Variants in MPRIP observed in about 807,000 individuals in gnomAD.
MPRIP encodes myosin phosphatase Rho interacting protein, also known as myosin phosphatase Rho-interacting protein.
Under a neutral mutation model 234.9 loss-of-function variants are expected in MPRIP, and 59 were observed. The observed-to-expected ratio is 0.25, with a 90% CI of 0.20 to 0.31. MPRIP has a LOEUF of 0.31. Among genes scored for constraint, MPRIP ranks in the 10% least tolerant of loss-of-function variants. The pLI is 1.00. For synonymous variants in MPRIP, 1,144 were observed against 1,263.9 expected (o/e 0.91, Z 2.01); for missense variants, 2,436 against 3,071.0 (o/e 0.79, Z 4.89).
At chr17:17,075,910 C>G (rs2089317541) in intron 2 of MPRIP, 123 bp downstream of exon 2, 2 of 892,998 alleles carry the variant, frequency 2.2e-6, no homozygotes, top group Non-Finnish European at 3.6e-6. Flanking sequence ...GCAGGACCAG[C>G]AGGGCTCCCC....
chr17:17,051,585 G>A (rs62064360), intron 1 of MPRIP, among the ~76,000 whole-genome samples: 3 of 152,236 alleles, frequency 2.0e-5, no homozygotes, highest in African/African-American at 7.2e-5. Context: ...GCCATTTGGG[G>A]CAGGTTCGAA....
rs766022570 is a variant in MPRIP at position 17,184,803 on chromosome 17, C to T, written c.7207-20C>T. ...TCTAACGGTGTGTTTATTTTCTCCT[C>T]CTGCTCTGTCTCTACCCAGAGTCTG... On this transcript the variant is annotated intron_variant, in intron 23 of 23. Transcript: ENST00000651222. 1 of 1,603,070 alleles carries T rather than the reference C, an allele frequency of 6.2e-7. No individual in the cohort carries two copies. Among genetic ancestry groups the T allele is most frequent in the South Asian group, 1.1e-5 (1 of 90,758 alleles).
intron 1 of MPRIP, 60 bp downstream of exon 1, chr17:17,043,031 G>C: frequency 3.9e-6 from 6 of 1,535,940 alleles, no homozygotes; most frequent in Admixed American, 1.8e-5. Flanking sequence ...CGGCGGCCGG[G>C]GCGCCGCCAA....
At chr17:17,171,538 C>A in intron 16 of MPRIP, 180 bp from the exon 17 acceptor site, 1 of 684,866 alleles carries the variant, frequency 1.5e-6, no homozygotes, top group Non-Finnish European at 2.5e-6. Flanking sequence ...GATGGCATTG[C>A]TGAGAATCCC....
intron 9 of MPRIP, 57 bp from the exon 10 acceptor site, chr17:17,145,979 A>G: frequency 6.6e-7 from 1 of 1,519,616 alleles, no homozygotes; most frequent in Non-Finnish European, 9.1e-7. Context: ...GCCCCATCAG[A>G]CACTCATGAC....
At chr17:17,074,612 A>G (rs2089284289) in intron 1 of MPRIP, among the ~76,000 whole-genome samples, 1 of 152,224 alleles carries the variant, frequency 6.6e-6, no homozygotes, top group South Asian at 2.1e-4. Context: ...CCACGAAAGA[A>G]ACCCCATACC....
At position 17,185,648 on chromosome 17, in the gene MPRIP, T is replaced by C; in HGVS notation, c.*754T>C. 2.3e-6 allele frequency: 1 copy of C among 426,510 alleles called. No individual in the cohort carries two copies. The highest frequency in any genetic ancestry group is 4.7e-6 in the Non-Finnish European group (1 of 211,188). The allele number at this position is 426,510 out of a possible 1,614,324, so 26.4% of individuals were successfully genotyped here. A position where few individuals can be genotyped will look rare whatever the true frequency, so the allele number is the denominator to read the frequency against. On this transcript the variant is annotated 3_prime_UTR_variant, in exon 24 of 24. Transcript: ENST00000651222. ...GTAACCCTGGTCTTTTCATAACTGC[T>C]CGAGATTGTTGACCTGCAGCCCAGG...
chr17:17,153,430 G>A (rs1367335336), intron 12 of MPRIP, among the ~76,000 whole-genome samples: 1 of 152,012 alleles, frequency 6.6e-6, no homozygotes, highest in African/African-American at 2.4e-5. Context: ...CAGGCCTCCA[G>A]CTCCATGCAG....
rs924791869 is a variant in MPRIP at position 17,073,825 on chromosome 17, C to T, written c.124-1885C>T. Among the ~76,000 whole-genome samples the T allele has an allele frequency of 2.6e-5, 4 of 152,282 alleles. No individual in the cohort carries two copies. The East Asian group carries it at 5.8e-4, about 22-fold the overall frequency. ...CTCCTCGCCTTTGCTTCTGCCTTCC[C>T]AGGTGGGATTTCCACCACATACTCC... On this transcript the variant is annotated intron_variant, in intron 1 of 23. Transcript: ENST00000651222.
At chr17:17,156,955 G>T (rs577308564) in intron 13 of MPRIP, among the ~76,000 whole-genome samples, 1 of 152,154 alleles carries the variant, frequency 6.6e-6, no homozygotes, top group Non-Finnish European at 1.5e-5. Flanking sequence ...TCTCTCTAAA[G>T]ACTCCTTTCC....
chr17:17,180,201 C>A, intron 23 of MPRIP, 113 bp downstream of exon 23: 1 of 938,698 alleles, frequency 1.1e-6, no homozygotes, highest in Non-Finnish European at 1.6e-6. Context: ...GCCCCAGGGC[C>A]CAGCACTGAG....
chr17:17,118,846 T>C (rs1203460743), intron 3 of MPRIP, among the ~76,000 whole-genome samples: 1 of 152,100 alleles, frequency 6.6e-6, no homozygotes, highest in Non-Finnish European at 1.5e-5. Context: ...AGAGTGCTGC[T>C]CCCTGGGGAG....
Position 17,177,010 on chromosome 17 carries a change from C to T in MPRIP, c.6958-240C>T, listed in dbSNP as rs542935262. On this transcript the variant is annotated intron_variant, in intron 21 of 23. Transcript: ENST00000651222. ...GGTCGGGCAATCCCGGAACTGCCTC[C>T]TGCACTCACCGGGCCTGGAGATTAT... 2.6e-5 allele frequency among the ~76,000 whole-genome samples: 4 copies of T among 152,360 alleles called. No individual in the cohort carries two copies. The South Asian group carries it at 8.3e-4, about 32-fold the overall frequency.
chr17:17,122,209 A>G (rs2090402596), intron 3 of MPRIP, among the ~76,000 whole-genome samples: 1 of 152,194 alleles, frequency 6.6e-6, no homozygotes, highest in Admixed American at 6.5e-5. Flanking sequence ...TTCTATCTTT[A>G]GGTCTTTGAG....
intron 3 of MPRIP, among the ~76,000 whole-genome samples, chr17:17,126,211 CT>C (rs1457326937): frequency 2.0e-5 from 3 of 152,200 alleles, no homozygotes; most frequent in Non-Finnish European, 4.4e-5. Context: ...GTGGGCCAGG[CT>C]GCCGGGCGTG....
chr17:17,147,668 A>G (rs2045503352), intron 11 of MPRIP, among the ~76,000 whole-genome samples: 1 of 152,216 alleles, frequency 6.6e-6, no homozygotes, highest in Non-Finnish European at 1.5e-5. Flanking sequence ...TGCCCAGTGC[A>G]GTGGGTTTGG....
At position 17,164,731 on chromosome 17, in the gene MPRIP, C is replaced by T. The variant is rs1306112556; in HGVS notation, c.3140C>T (p.Ala1047Val). 3 of 1,300,162 alleles carry T rather than the reference C, an allele frequency of 2.3e-6. No individual in the cohort carries two copies. In the Admixed American group the frequency reaches 7.1e-5, roughly 31 times the overall value. 80.5% of individuals were successfully genotyped at this position (1,300,162 alleles called of 1,614,324 possible). A position where few individuals can be genotyped will look rare whatever the true frequency, so the allele number is the denominator to read the frequency against. Residue 1047 changes from alanine to valine, a missense_variant, in exon 16 of 24, where the codon GCC becomes GTC. Transcript: ENST00000651222. The stretch of plus-strand genomic sequence containing the variant: ...AACCTAAAGGAAGTGGAAGACAAGG[C>T]CAGCGCCTATGAGGACCAGCTGCAG... The part of the protein sequence containing the change: ...LQNLKEVEDK[A>V]SAYEDQLQGQ...
At chr17:17,109,457 G>A (rs1273639355) in intron 3 of MPRIP, among the ~76,000 whole-genome samples, 2 of 152,342 alleles carry the variant, frequency 1.3e-5, no homozygotes, top group Non-Finnish European at 2.9e-5. Context: ...AGCCACTGTT[G>A]CACACAGTGA....
chr17:17,089,544 T>C (rs984949337), intron 3 of MPRIP, among the ~76,000 whole-genome samples: 3 of 152,158 alleles, frequency 2.0e-5, no homozygotes, highest in Non-Finnish European at 2.9e-5. Flanking sequence ...CATAGCTCAC[T>C]GCAGCCTTGA....
Sources: gnomAD v4.1 joint callset for allele counts (sites outside exome capture counted in the v4.1 genomes callset) on GRCh38, gnomAD v4.1.1 for gene constraint, MANE v1.5 for transcripts, NCBI Gene and HGNC (gene_info 2026-07-23, HGNC 2026-07-21) for gene names.